Variants in C19orf44 observed in about 807,000 individuals in gnomAD.
C19orf44 encodes the protein uncharacterized protein C19orf44.
C19orf44 carries 43 observed loss-of-function variants against 50.7 expected under a neutral mutation model. That is an observed-to-expected ratio of 0.85 (90% CI 0.66 to 1.09). The LOEUF is 1.09. Among genes scored for constraint, C19orf44 ranks in the 50% least tolerant of loss-of-function variants. The pLI is 0.00. For missense variants in C19orf44, 722 were observed against 836.2 expected (o/e 0.86, Z 1.68); for synonymous variants, 298 against 334.7 (o/e 0.89, Z 1.20).
rs1278529369 is a variant in C19orf44 at position 16,520,340 on chromosome 19, T to C, written c.*287T>C. ...GGCCACAGGAAGAGGCCTCAGGCAC[T>C]GCCCTGAGGCAGCCTCTGCCTACCT... On this transcript the variant is annotated 3_prime_UTR_variant, in exon 9 of 9. Coordinates refer to ENST00000221671, the MANE Select transcript of C19orf44 (RefSeq NM_032207.4). The surrounding 1 kb of genome is among the most constrained non-coding windows in gnomAD (Gnocchi z 4.0). 1.6e-5 allele frequency: 26 copies of C among 1,611,504 alleles called. No individual in the cohort carries two copies. The highest frequency in any genetic ancestry group is 2.1e-5 in the Non-Finnish European group (25 of 1,178,276).
At chr19:16,503,024 T>C in intron 2 of C19orf44, 41 bp from the exon 3 acceptor site, 1 of 1,553,554 alleles carries the variant, frequency 6.4e-7, no homozygotes, top group Non-Finnish European at 8.7e-7. Flanking sequence ...CAAAAAACCT[T>C]AGTTGTCATA....
In C19orf44 at chr19:16,514,570, G is replaced by A. The variant is rs1222331726; in HGVS notation, c.1809G>A (p.Gln603=). ...AGCAGCAGCTGAGCCTGACGCAGCA[G>A]TTCATCCAGGCCAGCCGGCACCTGC... ...VLKQQLSLTQ[Q]FIQASRHLHA... is the part of the protein sequence containing the mutation. The change falls in exon 7 of 9, where the codon CAG becomes CAA. Residue 603 remains glutamine (Q), a synonymous_variant. Transcript: ENST00000221671. 3 of 1,610,744 alleles carry A rather than the reference G, an allele frequency of 1.9e-6. No homozygotes were observed. The highest frequency in any genetic ancestry group is 2.5e-6 in the Non-Finnish European group (3 of 1,179,342).
chr19:16,513,049 G>T lies in C19orf44; in HGVS notation c.1675G>T (p.Gly559Cys), dbSNP rs773594163. Residue 559 changes from glycine to cysteine, a missense_variant, in exon 6 of 9, where the codon GGC (glycine) becomes TGC (cysteine). Gly to Cys is a radical substitution (Grantham distance 159). Coordinates refer to ENST00000221671, the MANE Select transcript of C19orf44 (RefSeq NM_032207.4). ...GGCAGCCATGGGGCCTGCCCTGGGA[G>T]GCGCCTACGTGGACCCGACACCCAT... The part of the protein sequence containing the change: ...SMAAMGPALG[G>C]AYVDPTPIAN... 1.2e-5 allele frequency: 20 copies of T among 1,613,592 alleles called. No homozygotes were observed. Among genetic ancestry groups the T allele is most frequent in the Non-Finnish European group, 1.5e-5 (18 of 1,180,032 alleles).
At chr19:16,503,450 C>T (rs1018537495) in intron 3 of C19orf44, 70 bp downstream of exon 3, 23 of 1,481,320 alleles carry the variant, frequency 1.6e-5, no homozygotes, top group Non-Finnish European at 1.7e-5. Flanking sequence ...GAGTCCCTGA[C>T]GCAGTGGTCA....
In C19orf44 at chr19:16,514,540, G is replaced by A; in HGVS notation, c.1779G>A (p.Val593=). ...YSPAVLALHD[V]LKQQLSLTQQ... is the part of the protein sequence containing the mutation. ...CGGCCGTGCTGGCACTCCATGATGT[G>A]CTGAAGCAGCAGCTGAGCCTGACGC... Residue 593 remains valine (V), a synonymous_variant, in exon 7 of 9, where the codon GTG becomes GTA. Transcript: ENST00000221671. 1.2e-6 allele frequency: 2 copies of A among 1,611,842 alleles called. No individual in the cohort carries two copies. The highest frequency in any genetic ancestry group is 1.7e-6 in the Non-Finnish European group (2 of 1,179,738).
chr19:16,503,502 C>A, intron 3 of C19orf44, 122 bp downstream of exon 3: 1 of 989,760 alleles, frequency 1.0e-6, no homozygotes, highest in South Asian at 1.7e-5. Context: ...TCGCATCTCA[C>A]ACTCAGCTTT....
chr19:16,517,251 G>T lies in C19orf44; in HGVS notation c.1924G>T (p.Ala642Ser). 6.2e-7 allele frequency: 1 copy of T among 1,614,126 alleles called. No individual in the cohort carries two copies. Residue 642 changes from alanine (A) to serine (S), a missense_variant, in exon 8 of 9, where the codon GCC becomes TCC. By Grantham distance (99) the Ala-to-Ser change is moderately conservative. Transcript: ENST00000221671. ...ACAGTACATTAGGTGCCACAGACCT[G>T]CCCCACTGACCATGGAGGATGCCCT... is the stretch of plus-strand genomic sequence containing the variant. ...AKEYIRCHRP[A>S]PLTMEDALEE...
In C19orf44 at chr19:16,501,376, C is replaced by A; in HGVS notation, c.584C>A (p.Thr195Asn). 6.2e-7 allele frequency: 1 copy of A among 1,613,956 alleles called. No homozygotes were observed. Among genetic ancestry groups the A allele is most frequent in the Non-Finnish European group, 8.5e-7 (1 of 1,179,986 alleles). ...SPEAPAGKERTLQTPKQKEPA... is the reference protein window; with the variant it reads ...SPEAPAGKERNLQTPKQKEPA... ...GAAGCACCTGCTGGGAAAGAGAGGACTTTGCAAACCCCCAAACAGAAAGAA... is the reference window on the plus strand; with the variant it reads ...GAAGCACCTGCTGGGAAAGAGAGGAATTTGCAAACCCCCAAACAGAAAGAA... Residue 195 changes from threonine (T) to asparagine (N), a missense_variant, in exon 2 of 9, where the codon ACT (threonine) becomes AAT (asparagine). Physicochemically the swap from Thr to Asn is moderately conservative, Grantham distance 65. Coordinates refer to ENST00000221671, the MANE Select transcript of C19orf44 (RefSeq NM_032207.4).
chr19:16,519,462 G>C lies in C19orf44; in HGVS notation c.*41-632G>C. 3 of 1,313,990 alleles carry C rather than the reference G, an allele frequency of 2.3e-6. No individual in the cohort carries two copies. Among genetic ancestry groups the C allele is most frequent in the South Asian group, 1.3e-5 (1 of 76,024 alleles). 81.4% of individuals were successfully genotyped at this position (1,313,990 alleles called of 1,614,324 possible). A position where few individuals can be genotyped will look rare whatever the true frequency, so the allele number is the denominator to read the frequency against. On this transcript the variant is annotated intron_variant, in intron 8 of 8. Coordinates refer to ENST00000221671, the MANE Select transcript of C19orf44 (RefSeq NM_032207.4). This position sits in a 1 kb window ranked among gnomAD's most constrained non-coding sequence, Gnocchi z 6.0. ...TGTAGACATGGGAAATGGGTAGAGA[G>C]AACCCGCAGGCCGGCCCTGTCTAGA...
rs987852836 is a variant in C19orf44, at chr19:16,519,092, G to T, written c.*41-1002G>T. On this transcript the variant is annotated intron_variant, in intron 8 of 8. Transcript: ENST00000221671. The surrounding 1 kb of genome is among the most constrained non-coding windows in gnomAD (Gnocchi z 6.0). ...TGAGCTGTCACTGCAATCTTCCTCT[G>T]CCAGTCAGCCAGGAAGGTCCCACAG... 9 of 1,407,174 alleles carry T rather than the reference G, an allele frequency of 6.4e-6. No individual in the cohort carries two copies. In the Admixed American group the frequency reaches 1.5e-4, roughly 23 times the overall value. The allele number at this position is 1,407,174 out of a possible 1,614,324, so 87.2% of individuals were successfully genotyped here.
intron 5 of C19orf44, among the ~76,000 whole-genome samples, chr19:16,512,553 A>T (rs1203781762): frequency 6.6e-6 from 1 of 152,038 alleles, no homozygotes; most frequent in African/African-American, 2.4e-5. Flanking sequence ...AGCCTTGGGA[A>T]ATACTTGAAA....
chr19:16,514,475 G>T (rs1402580544), intron 6 of C19orf44, 22 bp from the exon 7 acceptor site: 1 of 1,571,498 alleles, frequency 6.4e-7, no homozygotes, highest in Non-Finnish European at 8.7e-7. Flanking sequence ...CGAAGCCACC[G>T]AGTAACGCGG....
At position 16,520,965 on chromosome 19, in the gene C19orf44, G is replaced by C. The variant is rs8111801; in HGVS notation, c.*912G>C. 0.36 allele frequency: 534,933 copies of C among 1,503,336 alleles called. 101,055 individuals carry two copies. Among genetic ancestry groups the C allele is most frequent in the African/African-American group, 0.66 (47,943 of 72,810 alleles). 93.1% of individuals were successfully genotyped at this position (1,503,336 alleles called of 1,614,324 possible). ...CCACGTGACACCCACCCACAAGGAA[G>C]TCGTGAAAAAGTCATCAGGAGTTAA... is the stretch of plus-strand genomic sequence containing the variant. On this transcript the variant is annotated 3_prime_UTR_variant, in exon 9 of 9. Transcript: ENST00000221671. This position sits in a 1 kb window ranked among gnomAD's most constrained non-coding sequence, Gnocchi z 4.0.
At chr19:16,513,851 C>T (rs190673757) in intron 6 of C19orf44, among the ~76,000 whole-genome samples, 1 of 152,202 alleles carries the variant, frequency 6.6e-6, no homozygotes, top group African/African-American at 2.4e-5. Flanking sequence ...GGCTCCAGTC[C>T]AGCCTGAGGC....
rs1480645374 is a variant in C19orf44, at chr19:16,521,247, G to A, written c.*1194G>A. ...GGAAGGAGGGGTGACCACTGGGAAGGGTGGGCTGAGGGCCCTGTGGCAGCC... is the reference window on the plus strand; with the variant it reads ...GGAAGGAGGGGTGACCACTGGGAAGAGTGGGCTGAGGGCCCTGTGGCAGCC... On this transcript the variant is annotated 3_prime_UTR_variant, in exon 9 of 9. Coordinates refer to ENST00000221671, the MANE Select transcript of C19orf44 (RefSeq NM_032207.4). The A allele has an allele frequency of 1.8e-6, 1 of 569,336 alleles. No homozygotes were observed. The highest frequency in any genetic ancestry group is 3.1e-6 in the Non-Finnish European group (1 of 320,108). 35.3% of individuals were successfully genotyped at this position (569,336 alleles called of 1,614,324 possible).
chr19:16,500,971 A>G lies in C19orf44; in HGVS notation c.179A>G (p.Lys60Arg). Residue 60 changes from lysine (K) to arginine (R), a missense_variant, in exon 2 of 9, where the codon AAA (lysine) becomes AGA (arginine). Physicochemically the swap from Lys to Arg is conservative, Grantham distance 26. Transcript: ENST00000221671. ...FLKRNQTLDE[K>R]HLLLKENPVL... Reference sequence around the variant, plus strand: ...AAAAGAAACCAAACTCTAGATGAGAAACACTTACTCCTGAAAGAGAACCCT... The same window carrying G: ...AAAAGAAACCAAACTCTAGATGAGAGACACTTACTCCTGAAAGAGAACCCT... 10 of 1,613,630 alleles carry G rather than the reference A, an allele frequency of 6.2e-6. No homozygotes were observed. The highest frequency in any genetic ancestry group is 8.5e-6 in the Non-Finnish European group (10 of 1,179,920).
chr19:16,512,350 G>A (rs2093459958), intron 5 of C19orf44, among the ~76,000 whole-genome samples: 1 of 152,120 alleles, frequency 6.6e-6, no homozygotes, highest in Non-Finnish European at 1.5e-5. Context: ...AAAAACAGCA[G>A]CCATAAACAC....
intron 8 of C19orf44, chr19:16,518,913 C>T (rs531994416): frequency 2.7e-5 from 15 of 546,990 alleles, no homozygotes; most frequent in Admixed American, 1.1e-4. Flanking sequence ...TAAAGGAAAA[C>T]GAGCCTGGGG....
chr19:16,513,635 C>T (rs147775394), intron 6 of C19orf44, among the ~76,000 whole-genome samples: 7 of 152,306 alleles, frequency 4.6e-5, no homozygotes, highest in African/African-American at 9.6e-5. Context: ...CTGCCCACCT[C>T]GGTCTCCCAA....
Sources: allele counts gnomAD v4.1 joint callset (sites outside exome capture counted in the v4.1 genomes callset), GRCh38; gene constraint gnomAD v4.1.1; non-coding constraint Gnocchi (gnomAD v3.1); transcripts MANE v1.5; gene names NCBI Gene and HGNC (gene_info 2026-07-23, HGNC 2026-07-21).